Variants in ZNF655 observed in about 807,000 individuals in gnomAD.
ZNF655 encodes the protein zinc finger protein 655, also known as Vav-interacting Kruppel-like protein 1.
In ZNF655, 3 loss-of-function variants were observed where a neutral mutation model predicts 6.6. That is an observed-to-expected ratio of 0.46 (90% CI 0.21 to 1.18). The LOEUF (loss-of-function observed/expected upper bound fraction) is 1.18, where lower values mean the gene tolerates loss of function less well. Among genes scored for constraint, ZNF655 ranks in the 50% most tolerant of loss-of-function variants. The pLI, the probability that ZNF655 is intolerant of heterozygous loss-of-function variation, is 0.24. For synonymous variants in ZNF655, 178 were observed against 195.0 expected (o/e 0.91, Z 0.73); for missense variants, 526 against 572.3 (o/e 0.92, Z 0.83).
chr7:99,560,781 C>A, intron 2 of ZNF655, 86 bp downstream of exon 2: 1 of 1,522,396 alleles, frequency 6.6e-7, no homozygotes, highest in Non-Finnish European at 8.9e-7. Context: ...TTGAGAGAGG[C>A]CAAGAACTGG....
At chr7:99,561,877 T>C in intron 2 of ZNF655, 2 of 1,493,312 alleles carry the variant, frequency 1.3e-6, no homozygotes, top group Non-Finnish European at 1.8e-6. Context: ...CACTCCTTTC[T>C]CCTCCCTCAG....
chr7:99,558,940 C>T (rs1206271138), intron 1 of ZNF655, 153 bp downstream of exon 1: 1 of 152,344 alleles, frequency 6.6e-6, no homozygotes, highest in Non-Finnish European at 1.5e-5. Context: ...GCCTGTTTCT[C>T]TTCAGCCCTG....
At position 99,574,770 on chromosome 7, in the gene ZNF655, T is replaced by C. The variant is rs1371663851; in HGVS notation, c.*1186T>C. The C allele has an allele frequency of 6.6e-6, 1 of 152,222 alleles. No individual in the cohort carries two copies. The highest frequency in any genetic ancestry group is 1.5e-5 in the Non-Finnish European group (1 of 68,046). 9.4% of individuals were successfully genotyped at this position (152,222 alleles called of 1,614,324 possible). On this transcript the variant is annotated 3_prime_UTR_variant, in exon 3 of 3. Coordinates refer to ENST00000252713, the MANE Select transcript of ZNF655 (RefSeq NM_138494.3). ...GGCCTGCTCTTTACTAGGGATCTTA[T>C]GTCGTATTGCTTTACAGCCACAACA...
intron 2 of ZNF655, among the ~76,000 whole-genome samples, chr7:99,569,611 A>G (rs903472741): frequency 1.3e-5 from 2 of 152,224 alleles, no homozygotes; most frequent in Admixed American, 6.5e-5. Flanking sequence ...TAAAATGGCT[A>G]TAATAATAGT....
At chr7:99,562,379 A>G (rs767077355) in intron 2 of ZNF655, 6 of 1,614,030 alleles carry the variant, frequency 3.7e-6, no homozygotes, top group Non-Finnish European at 5.1e-6. Flanking sequence ...AGTTTGTGAC[A>G]TTCGAGGATG....
At chr7:99,570,297 GA>G (rs1803943663) in intron 2 of ZNF655, 1 of 152,160 alleles carries the variant, frequency 6.6e-6, no homozygotes, top group Non-Finnish European at 1.5e-5. Flanking sequence ...TTAAACTTCT[GA>G]AACGATTTCA....
chr7:99,563,981 C>G lies in ZNF655; in HGVS notation c.136+3286C>G, dbSNP rs541413915. On this transcript the variant is annotated intron_variant, in intron 2 of 2. Transcript: ENST00000252713. ...CACTTGCCGTCCTTACAGCAGGAAT[C>G]TCCAAGAGATGGCCCAAGTATCGGC... The G allele has an allele frequency of 9.3e-6, 15 of 1,614,018 alleles. 1 individual carries two copies. In the East Asian group the frequency reaches 1.1e-4, roughly 12 times the overall value.
intron 2 of ZNF655, among the ~76,000 whole-genome samples, chr7:99,569,047 A>C (rs1803845596): frequency 6.6e-6 from 1 of 152,166 alleles, no homozygotes; most frequent in East Asian, 1.9e-4. Flanking sequence ...GGCCTCCCAA[A>C]GTGCTGGGAT....
At position 99,572,237 on chromosome 7, in the gene ZNF655, T is replaced by G; in HGVS notation, c.137-8T>G. 6.4e-7 allele frequency: 1 copy of G among 1,568,428 alleles called. No individual in the cohort carries two copies. Among genetic ancestry groups the G allele is most frequent in the Non-Finnish European group, 8.6e-7 (1 of 1,162,582 alleles). On this transcript the variant is annotated splice_region_variant and splice_polypyrimidine_tract_variant and intron_variant, in intron 2 of 2. Coordinates refer to ENST00000252713, the MANE Select transcript of ZNF655 (RefSeq NM_138494.3). ...ACATTTGCATTTTCTATTTATATAT[T>G]GTATCAGATGGAGAGACCAGAGAAG...
At chr7:99,567,425 C>G (rs547371727) in intron 2 of ZNF655, among the ~76,000 whole-genome samples, 1 of 151,338 alleles carries the variant, frequency 6.6e-6, no homozygotes, top group African/African-American at 2.4e-5. Context: ...CCCAGCTACT[C>G]TGGAGGCTGA....
rs200789219 is a variant in ZNF655 at position 99,572,943 on chromosome 7, G to A, written c.835G>A (p.Ala279Thr). 8 of 1,614,092 alleles carry A rather than the reference G, an allele frequency of 5.0e-6. No homozygotes were observed. Among genetic ancestry groups the A allele is most frequent in the Non-Finnish European group, 6.8e-6 (8 of 1,179,986 alleles). ...KCEASDKSCE[A>T]SDKSCSPSSG... is the part of the protein sequence containing the mutation. ...TGAAGCATCTGATAAATCCTGTGAAGCGTCTGATAAATCCTGTAGTCCAAG... is the reference window on the plus strand; with the variant it reads ...TGAAGCATCTGATAAATCCTGTGAAACGTCTGATAAATCCTGTAGTCCAAG... The change falls in exon 3 of 3, where the codon GCG (alanine) becomes ACG (threonine). Residue 279 changes from alanine to threonine, a missense_variant. Physicochemically the swap from Ala to Thr is moderately conservative, Grantham distance 58 (BLOSUM62 0). Coordinates refer to ENST00000252713, the MANE Select transcript of ZNF655 (RefSeq NM_138494.3).
At chr7:99,564,126 C>T in intron 2 of ZNF655, 1 of 1,507,000 alleles carries the variant, frequency 6.6e-7, no homozygotes, top group South Asian at 1.4e-5. Context: ...ATCGCAGCTC[C>T]TCAAATTACC....
Position 99,572,910 on chromosome 7 carries a change from T to G in ZNF655, c.802T>G (p.Tyr268Asp). 6.2e-7 allele frequency: 1 copy of G among 1,614,124 alleles called. No homozygotes were observed. Among genetic ancestry groups the G allele is most frequent in the Non-Finnish European group, 8.5e-7 (1 of 1,179,998 alleles). ...AAGAATACACACTAGAGAAAAACCT[T>G]ACAAATGTGAAGCATCTGATAAATC... ...HKRIHTREKP[Y>D]KCEASDKSCE... The change falls in exon 3 of 3, where the codon TAC becomes GAC. Residue 268 changes from tyrosine (Y) to aspartate (D), a missense_variant. Tyr to Asp is a radical substitution (Grantham distance 160, BLOSUM62 -3). Transcript: ENST00000252713.
Position 99,566,021 on chromosome 7 carries a change from A to ATGTGTGTGTGTGTG in ZNF655, c.136+5334_136+5347dup, listed in dbSNP as rs34698828. Among the ~76,000 whole-genome samples the ATGTGTGTGTGTGTG allele has an allele frequency of 1.4e-3, 203 of 149,968 alleles. 1 individual carries two copies. The highest frequency in any genetic ancestry group is 7.4e-3 in the East Asian group (38 of 5,106). ...ACACACACAGACATAGGACATTTAT[A>ATGTGTGTGTGTGTG]TGTGTGTGTGTGTGTGTGTGTATAT... On this transcript the variant is annotated intron_variant, in intron 2 of 2. Coordinates refer to ENST00000252713, the MANE Select transcript of ZNF655 (RefSeq NM_138494.3).
At chr7:99,562,318 G>A in intron 2 of ZNF655, 1 of 1,604,334 alleles carries the variant, frequency 6.2e-7, no homozygotes, top group Non-Finnish European at 8.5e-7. Context: ...CTCTGGCCAT[G>A]GTGCTACAGT....
chr7:99,560,521 C>G lies in ZNF655; in HGVS notation c.-27-12C>G, dbSNP rs756555331. On this transcript the variant is annotated splice_polypyrimidine_tract_variant and intron_variant, in intron 1 of 2. Transcript: ENST00000252713. ...ACTTATTACAGTAATTTCTCTTAAT[C>G]TTACCTTGCAGTGATGGTCATTGTC... The G allele has an allele frequency of 1.2e-6, 2 of 1,600,550 alleles. No individual in the cohort carries two copies. Among genetic ancestry groups the G allele is most frequent in the East Asian group, 4.5e-5 (2 of 44,572 alleles).
chr7:99,568,946 G>A (rs2151164127), intron 2 of ZNF655, among the ~76,000 whole-genome samples: 1 of 152,160 alleles, frequency 6.6e-6, no homozygotes, highest in Middle Eastern at 3.4e-3. Context: ...CACCATGCCT[G>A]GCTAATTTTT....
Position 99,572,601 on chromosome 7 carries a change from A to G in ZNF655, c.493A>G (p.Ser165Gly). ...CGATGACAATGATAAGTATGACATGAGCTTCAACCAGAATTCAGCCTCTGG... is the reference window on the plus strand; with the variant it reads ...CGATGACAATGATAAGTATGACATGGGCTTCAACCAGAATTCAGCCTCTGG... ...NTDDNDKYDM[S>G]FNQNSASGKH... is the part of the protein sequence containing the mutation. Residue 165 changes from serine (S) to glycine (G), a missense_variant, in exon 3 of 3, where the codon AGC (serine) becomes GGC (glycine). Transcript: ENST00000252713. 2 of 1,613,700 alleles carry G rather than the reference A, an allele frequency of 1.2e-6. No homozygotes were observed. The highest frequency in any genetic ancestry group is 1.7e-6 in the Non-Finnish European group (2 of 1,179,874).
chr7:99,562,945 G>T (rs1284278915), intron 2 of ZNF655, among the ~76,000 whole-genome samples: 1 of 152,130 alleles, frequency 6.6e-6, no homozygotes, highest in African/African-American at 2.4e-5. Flanking sequence ...TATTTAAAAA[G>T]ACAGGCTAAA....
Sources: allele counts gnomAD v4.1 joint callset (sites outside exome capture counted in the v4.1 genomes callset), GRCh38; gene constraint gnomAD v4.1.1; transcripts MANE v1.5; gene names NCBI Gene and HGNC (gene_info 2026-07-23, HGNC 2026-07-21).